MYLK: variants seen among roughly 807,000 people sequenced by gnomAD.
MYLK encodes the protein myosin light chain kinase, smooth muscle.
A neutral mutation model predicts 203.4 loss-of-function variants in MYLK; 106 were observed. The ratio of observed to expected loss-of-function variants is 0.52; its 90% confidence interval spans 0.45 to 0.61. The LOEUF is 0.61. Ranked by LOEUF, MYLK falls within the 20% of genes least tolerant of loss-of-function variation. The pLI is 0.00. For missense variants in MYLK, 2,072 were observed against 2,442.3 expected (o/e 0.85, Z 3.20); for synonymous variants, 867 against 959.5 (o/e 0.90, Z 1.78).
At chr3:123,762,713 G>A (rs1024621926) in intron 4 of MYLK, among the ~76,000 whole-genome samples, 4 of 152,164 alleles carry the variant, frequency 2.6e-5, no homozygotes, top group African/African-American at 9.7e-5. Context: ...AGGGCTTGAC[G>A]GAGGTAGTTT....
intron 12 of MYLK, among the ~76,000 whole-genome samples, chr3:123,723,284 A>G (rs759928880): frequency 1.3e-5 from 2 of 152,210 alleles, no homozygotes; most frequent in Non-Finnish European, 2.9e-5. Context: ...GCAACACTTC[A>G]TGTCTCCATG....
chr3:123,652,300 A>C (rs2059242298), intron 24 of MYLK, among the ~76,000 whole-genome samples: 1 of 152,212 alleles, frequency 6.6e-6, no homozygotes, highest in Non-Finnish European at 1.5e-5. Context: ...ACTTAAAAAA[A>C]AAAAAAATCT....
intron 11 of MYLK, among the ~76,000 whole-genome samples, chr3:123,730,341 AGTTT>A (rs1291978754): frequency 6.6e-6 from 1 of 152,260 alleles, no homozygotes; most frequent in East Asian, 1.9e-4. Flanking sequence ...GGTGAAAAAC[AGTTT>A]GTTAGTTCCT....
At chr3:123,756,168 C>T (rs570197895) in intron 4 of MYLK, among the ~76,000 whole-genome samples, 3 of 152,294 alleles carry the variant, frequency 2.0e-5, no homozygotes, top group Admixed American at 6.5e-5. Flanking sequence ...CATGCCTCAT[C>T]GTAAATTCAT....
rs2058780095 is a variant in MYLK, at chr3:123,640,142, T to A, written c.4837+145A>T. ...GAGGCTTACTGTCACGTCTAGTATG[T>A]GGTAGGGGCAGGATTCAAACCTGGG... is the stretch of plus-strand genomic sequence containing the variant. On this transcript the variant is annotated intron_variant, in intron 28 of 33. Coordinates refer to ENST00000360304, the MANE Select transcript of MYLK (RefSeq NM_053025.4). This position sits in a 1 kb window ranked among gnomAD's most constrained non-coding sequence, Gnocchi z 4.3. 5.4e-6 allele frequency: 4 copies of A among 744,814 alleles called. No homozygotes were observed. Among genetic ancestry groups the A allele is most frequent in the Non-Finnish European group, 9.4e-6 (4 of 427,368 alleles). The allele number at this position is 744,814 out of a possible 1,614,324, so 46.1% of individuals were successfully genotyped here. A position where few individuals can be genotyped will look rare whatever the true frequency, so the allele number is the denominator to read the frequency against.
intron 4 of MYLK, among the ~76,000 whole-genome samples, chr3:123,759,844 G>A (rs1009967579): frequency 6.6e-6 from 1 of 152,206 alleles, no homozygotes; most frequent in Non-Finnish European, 1.5e-5. Flanking sequence ...AAGCCATCTG[G>A]AGAATAAGAG....
intron 3 of MYLK, among the ~76,000 whole-genome samples, chr3:123,797,461 C>T (rs949401178): frequency 6.6e-5 from 10 of 151,990 alleles, no homozygotes; most frequent in South Asian, 2.1e-4. Context: ...CACAGGGCTG[C>T]GGAAGGAATG....
chr3:123,876,563 A>AT lies in MYLK; in HGVS notation c.-132dup, dbSNP rs1287894312. Reference sequence around the variant, plus strand: ...CATCTTTTATCATGCTATTACCTTTATTTTTTCTCTTCAGCTGGCCCGAAT... The same window carrying AT: ...CATCTTTTATCATGCTATTACCTTTATTTTTTTCTCTTCAGCTGGCCCGAAT... On this transcript the variant is annotated 5_prime_UTR_variant, in exon 2 of 34. Transcript: ENST00000360304. The AT allele has an allele frequency of 9.2e-5, 14 of 152,254 alleles. No individual in the cohort carries two copies. Among genetic ancestry groups the AT allele is most frequent in the African/African-American group, 2.4e-4 (10 of 41,550 alleles). 9.4% of individuals were successfully genotyped at this position (152,254 alleles called of 1,614,324 possible). A position where few individuals can be genotyped will look rare whatever the true frequency, so the allele number is the denominator to read the frequency against.
chr3:123,786,895 G>T (rs1414411645), intron 4 of MYLK, among the ~76,000 whole-genome samples: 2 of 152,194 alleles, frequency 1.3e-5, no homozygotes, highest in Non-Finnish European at 2.9e-5. Flanking sequence ...AATCATTTCT[G>T]AAAGGATACT....
intron 23 of MYLK, 118 bp downstream of exon 23, chr3:123,663,987 A>T: frequency 7.0e-7 from 1 of 1,434,716 alleles, no homozygotes; most frequent in Non-Finnish European, 9.8e-7. Flanking sequence ...CTTATAAATC[A>T]GGCACAGGAG....
intron 16 of MYLK, among the ~76,000 whole-genome samples, chr3:123,705,289 A>G (rs2061420512): frequency 6.6e-6 from 1 of 152,232 alleles, no homozygotes; most frequent in African/African-American, 2.4e-5. Flanking sequence ...AGGTGGGGAA[A>G]AAGCCAAGGC....
intron 4 of MYLK, among the ~76,000 whole-genome samples, chr3:123,788,035 A>G (rs907064530): frequency 1.3e-5 from 2 of 152,196 alleles, no homozygotes; most frequent in Non-Finnish European, 2.9e-5. Flanking sequence ...GCAGTGCTGC[A>G]GAATTTCATG....
chr3:123,877,919 G>GA (rs1323879216), intron 1 of MYLK, among the ~76,000 whole-genome samples: 4 of 152,234 alleles, frequency 2.6e-5, no homozygotes, highest in Non-Finnish European at 5.9e-5. Context: ...AAGCTCAGGA[G>GA]AAAAGTTAGA....
chr3:123,625,170 A>G (rs2058075889), intron 31 of MYLK: 5 of 152,380 alleles, frequency 3.3e-5, no homozygotes, highest in Admixed American at 3.3e-4. Context: ...TTCCACACCT[A>G]ATTCAAACTC....
intron 33 of MYLK, 68 bp downstream of exon 33, chr3:123,618,571 G>T (rs1396579195): frequency 3.1e-6 from 5 of 1,602,656 alleles, no homozygotes; most frequent in Non-Finnish European, 4.3e-6. Flanking sequence ...TGCCCACGGT[G>T]CATGGTAGGG....
intron 22 of MYLK, among the ~76,000 whole-genome samples, chr3:123,665,515 G>GT (rs1161358250): frequency 1.3e-5 from 2 of 152,188 alleles, no homozygotes; most frequent in Non-Finnish European, 2.9e-5. Context: ...TTAAAACAGA[G>GT]TAACAGAGGG....
chr3:123,740,028 G>A, intron 5 of MYLK, 27 bp from the exon 6 acceptor site: 3 of 1,613,398 alleles, frequency 1.9e-6, no homozygotes, highest in Non-Finnish European at 2.5e-6. Flanking sequence ...TGATGAGTCA[G>A]GTCTGAGCCA....
At chr3:123,763,068 T>C (rs2063586552) in intron 4 of MYLK, among the ~76,000 whole-genome samples, 1 of 152,184 alleles carries the variant, frequency 6.6e-6, no homozygotes, top group Admixed American at 6.5e-5. Context: ...ATGACAAAAA[T>C]TGTGGTCTTC....
At chr3:123,874,231 T>G (rs1432278693) in intron 2 of MYLK, among the ~76,000 whole-genome samples, 2 of 152,114 alleles carry the variant, frequency 1.3e-5, no homozygotes, top group East Asian at 3.8e-4. Context: ...GGGCTCAAAT[T>G]TCCTTACTTC....
Sources: allele counts gnomAD v4.1 joint callset (sites outside exome capture counted in the v4.1 genomes callset), GRCh38; gene constraint gnomAD v4.1.1; non-coding constraint Gnocchi (gnomAD v3.1); transcripts MANE v1.5; gene names NCBI Gene and HGNC (gene_info 2026-07-23, HGNC 2026-07-21).